Variants in CACHD1 observed in about 807,000 individuals in gnomAD.
CACHD1 encodes cache domain containing 1, also known as VWFA and cache domain-containing protein 1.
Under a neutral mutation model 138.7 loss-of-function variants are expected in CACHD1, and 71 were observed. The observed-to-expected ratio is 0.51, with a 90% CI of 0.42 to 0.62. The LOEUF (loss-of-function observed/expected upper bound fraction) is 0.62, where lower values mean the gene tolerates loss of function less well. Ranked by LOEUF, CACHD1 falls within the 20% of genes least tolerant of loss-of-function variation. The probability of loss-of-function intolerance (pLI) is 0.00; values close to 1 mark genes in which losing one functional copy is unlikely to be tolerated. For synonymous variants in CACHD1, 578 were observed against 591.5 expected (o/e 0.98, Z 0.33); for missense variants, 1,389 against 1,625.3 (o/e 0.85, Z 2.50).
rs753521495 is a variant in CACHD1 at position 64,666,107 on chromosome 1, A to G, written c.2327A>G (p.Tyr776Cys). The G allele has an allele frequency of 8.1e-6, 13 of 1,613,506 alleles. No individual in the cohort carries two copies. The highest frequency in any genetic ancestry group is 1.1e-5 in the Non-Finnish European group (13 of 1,179,482). ...GGGTTGATTTCTTTGACTGGTCCTT[A>G]CTTAGATGTTGGAGGAGCTGGTTAT... ...NPGLISLTGP[Y>C]LDVGGAGYVV... is the part of the protein sequence containing the mutation. Residue 776 changes from tyrosine (Y) to cysteine (C), a missense_variant, in exon 16 of 27, where the codon TAC becomes TGC. Physicochemically the swap from Tyr to Cys is radical, Grantham distance 194. Coordinates refer to ENST00000651257, the MANE Select transcript of CACHD1 (RefSeq NM_020925.4).
intron 26 of CACHD1, among the ~76,000 whole-genome samples, chr1:64,689,011 C>T (rs950236612): frequency 2.6e-5 from 4 of 152,268 alleles, no homozygotes; most frequent in Admixed American, 2.6e-4. Flanking sequence ...CCCCTTCTTG[C>T]CCTAAGGTAG....
At chr1:64,660,139 A>G (rs1339940357) in intron 13 of CACHD1, among the ~76,000 whole-genome samples, 5 of 152,196 alleles carry the variant, frequency 3.3e-5, no homozygotes, top group Admixed American at 6.5e-5. Context: ...TTTTTAAGAA[A>G]TGCTTTACTG....
At chr1:64,585,403 T>C (rs76215299) in intron 3 of CACHD1, among the ~76,000 whole-genome samples, 6,094 of 152,276 alleles carry the variant, frequency 0.04, 167 homozygotes, top group Middle Eastern at 0.092. Context: ...GTAGTTTCTG[T>C]CCTTTAGGAA....
chr1:64,538,065 A>T (rs925466154), intron 1 of CACHD1, among the ~76,000 whole-genome samples: 1 of 152,214 alleles, frequency 6.6e-6, no homozygotes, highest in Admixed American at 6.5e-5. Context: ...GAGTCATGGC[A>T]TGTGGTGCTG....
At chr1:64,596,662 A>G (rs1210986781) in intron 3 of CACHD1, among the ~76,000 whole-genome samples, 1 of 152,202 alleles carries the variant, frequency 6.6e-6, no homozygotes, top group African/African-American at 2.4e-5. Context: ...CATTTCTTCC[A>G]TACCCACTTC....
At chr1:64,532,283 T>C (rs1486530043) in intron 1 of CACHD1, among the ~76,000 whole-genome samples, 1 of 152,160 alleles carries the variant, frequency 6.6e-6, no homozygotes, top group African/African-American at 2.4e-5. Flanking sequence ...AATTAATTAA[T>C]TGAATGCCTA....
chr1:64,645,210 A>G (rs1488403284), intron 8 of CACHD1, among the ~76,000 whole-genome samples: 1 of 152,202 alleles, frequency 6.6e-6, no homozygotes, highest in African/African-American at 2.4e-5. Flanking sequence ...TAATGGTTAC[A>G]TTCTATCTAA....
At chr1:64,571,984 A>G (rs1295846814) in intron 2 of CACHD1, among the ~76,000 whole-genome samples, 1 of 152,168 alleles carries the variant, frequency 6.6e-6, no homozygotes, top group Non-Finnish European at 1.5e-5. Flanking sequence ...TAGTGTTTAT[A>G]AGTTATGCAC....
intron 4 of CACHD1, among the ~76,000 whole-genome samples, chr1:64,618,760 C>T (rs983039806): frequency 1.3e-5 from 2 of 152,150 alleles, no homozygotes; most frequent in Non-Finnish European, 2.9e-5. Context: ...CTGAGAGGTG[C>T]TAAGTCAGTT....
At chr1:64,543,398 A>AATATATATATAT (rs1553131362) in intron 1 of CACHD1, among the ~76,000 whole-genome samples, 2 of 53,072 alleles carry the variant, frequency 3.8e-5, no homozygotes, top group African/African-American at 1.6e-4. Flanking sequence ...TCTAAAAAAA[A>AATATATATATAT]ATACATATAT....
intron 26 of CACHD1, among the ~76,000 whole-genome samples, chr1:64,686,074 G>A (rs945563873): frequency 6.6e-6 from 1 of 152,194 alleles, no homozygotes; most frequent in Non-Finnish European, 1.5e-5. Flanking sequence ...AGAAGGAAAG[G>A]GGTGAGAGTT....
At chr1:64,612,396 A>T (rs1358260377) in intron 4 of CACHD1, among the ~76,000 whole-genome samples, 1 of 152,184 alleles carries the variant, frequency 6.6e-6, no homozygotes, top group Non-Finnish European at 1.5e-5. Context: ...CATCTTGTTC[A>T]GTCTTCACTG....
chr1:64,479,890 G>T (rs1176484604), intron 1 of CACHD1, among the ~76,000 whole-genome samples: 5 of 152,180 alleles, frequency 3.3e-5, no homozygotes, highest in Non-Finnish European at 7.4e-5. Flanking sequence ...GGTGTGCTCT[G>T]AGGAGAAGAA....
chr1:64,647,997 C>T lies in CACHD1; in HGVS notation c.1353C>T (p.Ala451=), dbSNP rs144533524. 8.1e-5 allele frequency: 131 copies of T among 1,613,710 alleles called. No individual in the cohort carries two copies. The African/African-American group carries it at 1.2e-3, about 15-fold the overall frequency. ...TTCCCAACCGGATGATTGATGAAGC[C>T]GTCTTCAGCCTGCCCTTCTCTGATG... ...TNLPNRMIDE[A]VFSLPFSDEM... The change falls in exon 9 of 27, where the codon GCC becomes GCT. Residue 451 remains alanine, a synonymous_variant. Transcript: ENST00000651257.
chr1:64,523,781 A>C (rs1478586610), intron 1 of CACHD1, among the ~76,000 whole-genome samples: 1 of 152,204 alleles, frequency 6.6e-6, no homozygotes, highest in Non-Finnish European at 1.5e-5. Flanking sequence ...AAAGTCAGAA[A>C]TAGTCTGTGG....
intron 4 of CACHD1, among the ~76,000 whole-genome samples, chr1:64,606,031 A>C (rs1006165735): frequency 1.3e-5 from 2 of 152,146 alleles, no homozygotes. Context: ...AAGTACAACT[A>C]GAAGTCATTT....
chr1:64,666,870 A>G (rs11208497), intron 16 of CACHD1, among the ~76,000 whole-genome samples: 11 of 106,838 alleles, frequency 1.0e-4, no homozygotes, highest in East Asian at 1.1e-3. Flanking sequence ...AAAAAAAAAA[A>G]AACGAGAAAG....
chr1:64,645,105 A>T (rs149186903), intron 8 of CACHD1, among the ~76,000 whole-genome samples: 2,280 of 152,312 alleles, frequency 0.015, 27 homozygotes, highest in Non-Finnish European at 0.025. Context: ...TCAAAAAATA[A>T]AATAAATAAA....
At chr1:64,643,946 C>T (rs185578860) in intron 8 of CACHD1, among the ~76,000 whole-genome samples, 123 of 152,354 alleles carry the variant, frequency 8.1e-4, no homozygotes, top group Non-Finnish European at 1.7e-3. Flanking sequence ...AGATCTCTGT[C>T]CAGTCCTCTT....
Sources: gnomAD v4.1 joint callset for allele counts (sites outside exome capture counted in the v4.1 genomes callset) on GRCh38, gnomAD v4.1.1 for gene constraint, MANE v1.5 for transcripts, NCBI Gene and HGNC (gene_info 2026-07-23, HGNC 2026-07-21) for gene names.